The following NIBAN1 variants were observed in gnomAD, a reference collection of about 807,000 sequenced individuals.
The protein encoded by NIBAN1 is protein Niban 1.
NIBAN1 carries 81 observed loss-of-function variants against 75.1 expected under a neutral mutation model. The observed-to-expected ratio is 1.08, with a 90% CI of 0.90 to 1.30. NIBAN1 has a LOEUF of 1.30. Among genes scored for constraint, NIBAN1 ranks in the 50% most tolerant of loss-of-function variants. The pLI is 0.00. For synonymous variants in NIBAN1, 436 were observed against 424.8 expected (o/e 1.03, Z -0.32); for missense variants, 1,133 against 1,128.1 (o/e 1.00, Z -0.06).
chr1:184,872,542 CT>C (rs1228680417), intron 5 of NIBAN1, among the ~76,000 whole-genome samples: 3 of 151,982 alleles, frequency 2.0e-5, no homozygotes, highest in Non-Finnish European at 4.4e-5. Flanking sequence ...CCCATCTCTA[CT>C]AAAAATACAA....
intron 5 of NIBAN1, among the ~76,000 whole-genome samples, chr1:184,865,605 G>GA (rs1235655728): frequency 1.3e-5 from 2 of 151,632 alleles, no homozygotes; most frequent in Non-Finnish European, 2.9e-5. Flanking sequence ...AAAACAAGCT[G>GA]AAAAAAAATA....
At chr1:184,866,620 A>G (rs1020767687) in intron 5 of NIBAN1, among the ~76,000 whole-genome samples, 2 of 152,238 alleles carry the variant, frequency 1.3e-5, no homozygotes. Flanking sequence ...AAATTAGATC[A>G]TAAGTTTCTT....
At chr1:184,801,815 C>A (rs1393235478) in intron 12 of NIBAN1, among the ~76,000 whole-genome samples, 1 of 152,164 alleles carries the variant, frequency 6.6e-6, no homozygotes, top group South Asian at 2.1e-4. Flanking sequence ...AATTTTCAAC[C>A]AGCTAAATAA....
At chr1:184,949,282 C>T (rs1003352433) in intron 1 of NIBAN1, among the ~76,000 whole-genome samples, 49 of 152,240 alleles carry the variant, frequency 3.2e-4, no homozygotes, top group African/African-American at 1.1e-3. Context: ...GGCATGAACC[C>T]GGGAGGCAGA....
chr1:184,796,780 C>T (rs117461347), intron 13 of NIBAN1, among the ~76,000 whole-genome samples: 1 of 152,190 alleles, frequency 6.6e-6, no homozygotes, highest in African/African-American at 2.4e-5. Context: ...TTTGTGTATT[C>T]GGCATAACTT....
intron 12 of NIBAN1, among the ~76,000 whole-genome samples, chr1:184,801,345 T>C (rs184870229): frequency 1.2e-4 from 18 of 152,272 alleles, no homozygotes; most frequent in African/African-American, 3.4e-4. Context: ...CTAGAGGGTC[T>C]AGAGGCAGGA....
At chr1:184,859,199 A>C (rs1027388381) in intron 5 of NIBAN1, among the ~76,000 whole-genome samples, 21 of 152,018 alleles carry the variant, frequency 1.4e-4, no homozygotes, top group Non-Finnish European at 2.8e-4. Flanking sequence ...TAAATAAATA[A>C]ATAAATATAT....
chr1:184,959,940 G>A lies in NIBAN1; in HGVS notation c.55+14362C>T, dbSNP rs191687166. Among the ~76,000 whole-genome samples the A allele has an allele frequency of 3.2e-3, 480 of 152,102 alleles. 2 individuals are homozygous for A. Among genetic ancestry groups the A allele is most frequent in the Non-Finnish European group, 4.2e-3 (288 of 67,960 alleles). ...TTTACTTGTTTAATAATTTTCTCCCGTTCATTTTCTTTGTTCTCTTGTTTT... is the reference window on the plus strand; with the variant it reads ...TTTACTTGTTTAATAATTTTCTCCCATTCATTTTCTTTGTTCTCTTGTTTT... On this transcript the variant is annotated intron_variant, in intron 1 of 13. Coordinates refer to ENST00000367511, the MANE Select transcript of NIBAN1 (RefSeq NM_052966.4).
intron 5 of NIBAN1, among the ~76,000 whole-genome samples, chr1:184,840,656 G>C (rs1410195309): frequency 6.6e-6 from 1 of 151,212 alleles, no homozygotes; most frequent in African/African-American, 2.4e-5. Flanking sequence ...AAAAGGAAGT[G>C]GTGACTACTA....
intron 1 of NIBAN1, among the ~76,000 whole-genome samples, chr1:184,970,582 C>A (rs901201002): frequency 3.3e-5 from 5 of 152,202 alleles, no homozygotes; most frequent in Admixed American, 2.6e-4. Context: ...AGCTGAAACT[C>A]ATTTCTTATT....
intron 1 of NIBAN1, among the ~76,000 whole-genome samples, chr1:184,936,713 G>T (rs1657971596): frequency 6.6e-6 from 1 of 152,088 alleles, no homozygotes; most frequent in Non-Finnish European, 1.5e-5. Context: ...GTGTGTGCGT[G>T]TGTGTGTGTA....
Position 184,884,704 on chromosome 1 carries a change from C to A in NIBAN1, c.530G>T (p.Cys177Phe). 3.1e-6 allele frequency: 5 copies of A among 1,614,216 alleles called. No individual in the cohort carries two copies. Among genetic ancestry groups the A allele is most frequent in the Non-Finnish European group, 3.4e-6 (4 of 1,180,018 alleles). Reference sequence around the variant, plus strand: ...CTTCTGGTCAGCAGCCTCGTGGAAGCAGAAGTAGCCGTGTCTGAAGAAGGG... The same window carrying A: ...CTTCTGGTCAGCAGCCTCGTGGAAGAAGAAGTAGCCGTGTCTGAAGAAGGG... ...WQPFFRHGYF[C>F]FHEAADQKRF... The change falls in exon 5 of 14, where the codon TGC becomes TTC. Residue 177 changes from cysteine (C) to phenylalanine (F), a missense_variant. Coordinates refer to ENST00000367511, the MANE Select transcript of NIBAN1 (RefSeq NM_052966.4).
intron 5 of NIBAN1, among the ~76,000 whole-genome samples, chr1:184,834,025 C>T (rs1236214479): frequency 1.4e-5 from 2 of 138,228 alleles, no homozygotes; most frequent in Non-Finnish European, 1.6e-5. Context: ...CACCCCACAA[C>T]AGGCCCCAGT....
At chr1:184,947,524 G>A (rs755462795) in intron 1 of NIBAN1, among the ~76,000 whole-genome samples, 2 of 152,196 alleles carry the variant, frequency 1.3e-5, no homozygotes, top group Non-Finnish European at 2.9e-5. Context: ...AGTTGCCAAT[G>A]TTTAACATGA....
At chr1:184,859,209 T>TATA (rs1557890102) in intron 5 of NIBAN1, among the ~76,000 whole-genome samples, 1 of 152,044 alleles carries the variant, frequency 6.6e-6, no homozygotes, top group Non-Finnish European at 1.5e-5. Context: ...AATAAATATA[T>TATA]ATATATGAGG....
At chr1:184,942,374 A>G (rs1457565785) in intron 1 of NIBAN1, among the ~76,000 whole-genome samples, 1 of 152,252 alleles carries the variant, frequency 6.6e-6, no homozygotes, top group Non-Finnish European at 1.5e-5. Flanking sequence ...CCACATCTCT[A>G]GCATAGTAGG....
chr1:184,928,027 G>A (rs1175484997), intron 1 of NIBAN1, among the ~76,000 whole-genome samples: 1 of 152,074 alleles, frequency 6.6e-6, no homozygotes, highest in Non-Finnish European at 1.5e-5. Context: ...TACTGCTGAT[G>A]TTTATTCGAG....
intron 5 of NIBAN1, among the ~76,000 whole-genome samples, chr1:184,857,431 C>T (rs1655708962): frequency 6.6e-6 from 1 of 152,102 alleles, no homozygotes; most frequent in Non-Finnish European, 1.5e-5. Context: ...TTGGATCCCC[C>T]ATTGAATATG....
At chr1:184,845,215 AGAGCTTTACACT>A (rs569550601) in intron 5 of NIBAN1, among the ~76,000 whole-genome samples, 85 of 152,354 alleles carry the variant, frequency 5.6e-4, no homozygotes, top group Non-Finnish European at 9.8e-4. Context: ...TCCATTTAAC[AGAGCTTTACACT>A]TAGGGTAAAT....
Sources: allele counts gnomAD v4.1 joint callset (sites outside exome capture counted in the v4.1 genomes callset), GRCh38; gene constraint gnomAD v4.1.1; transcripts MANE v1.5; gene names NCBI Gene and HGNC (gene_info 2026-07-23, HGNC 2026-07-21).